ASPSCR1: variants seen among roughly 807,000 people sequenced by gnomAD.
The protein encoded by ASPSCR1 is tether containing UBX domain for GLUT4.
In ASPSCR1, 55 loss-of-function variants were observed where a neutral mutation model predicts 68.9. That is an observed-to-expected ratio of 0.80 (90% CI 0.64 to 1.00). The LOEUF (loss-of-function observed/expected upper bound fraction) is 1.00, where lower values mean the gene tolerates loss of function less well. Ranked by LOEUF, ASPSCR1 falls within the 50% of genes least tolerant of loss-of-function variation. The pLI is 0.00. For synonymous variants in ASPSCR1, 352 were observed against 332.6 expected (o/e 1.06, Z -0.63); for missense variants, 765 against 762.2 (o/e 1.00, Z -0.04).
intron 4 of ASPSCR1, among the ~76,000 whole-genome samples, chr17:81,993,403 C>G (rs949305455): frequency 6.6e-6 from 1 of 152,062 alleles, no homozygotes; most frequent in South Asian, 2.1e-4. Flanking sequence ...TTAGTAGAGA[C>G]GGGGTTTCAT....
At chr17:81,995,945 T>C (rs1598406825) in intron 5 of ASPSCR1, 47 bp from the exon 6 acceptor site, 1 of 1,583,740 alleles carries the variant, frequency 6.3e-7, no homozygotes, top group Non-Finnish European at 8.6e-7. Flanking sequence ...CCCTGGGCTC[T>C]GGGGTCCCGG....
Position 82,012,244 on chromosome 17 carries a change from A to G in ASPSCR1, c.1314A>G (p.Pro438=). 1 of 1,613,504 alleles carries G rather than the reference A, an allele frequency of 6.2e-7. No homozygotes were observed. Among genetic ancestry groups the G allele is most frequent in the Non-Finnish European group, 8.5e-7 (1 of 1,179,884 alleles). ...TTCTCTCCTCAGTCATCACCCCTCC[A>G]AAAACAGTCCTGGACGACCACACGC... ...ELSFYLFITP[P]KTVLDDHTQT... Residue 438 remains proline (P), a synonymous_variant, in exon 12 of 16, where the codon CCA becomes CCG. Transcript: ENST00000306739.
chr17:81,992,880 G>A (rs1215667227), intron 4 of ASPSCR1, among the ~76,000 whole-genome samples: 3 of 152,226 alleles, frequency 2.0e-5, no homozygotes, highest in Admixed American at 6.5e-5. Flanking sequence ...TGGTGCGCAC[G>A]TGCTCCACAG....
chr17:82,017,217 G>A lies in ASPSCR1; in HGVS notation c.1649-92G>A, dbSNP rs1396774350. ...GCTGGGGGGCTAGGTGCTGTGGCCG[G>A]CAGGGCCGAGTGCTTCAGCCGGGCT... On this transcript the variant is annotated intron_variant, in intron 15 of 15. Coordinates refer to ENST00000306739, the MANE Select transcript of ASPSCR1 (RefSeq NM_024083.4). 28 of 1,591,938 alleles carry A rather than the reference G, an allele frequency of 1.8e-5. No individual in the cohort carries two copies. In the East Asian group the frequency reaches 6.3e-4, roughly 36 times the overall value.
chr17:81,994,253 G>A (rs887244845), intron 4 of ASPSCR1, among the ~76,000 whole-genome samples: 2 of 152,248 alleles, frequency 1.3e-5, no homozygotes, highest in Non-Finnish European at 2.9e-5. Flanking sequence ...AGTCCGACAT[G>A]GACTTATAAG....
intron 13 of ASPSCR1, 96 bp from the exon 14 acceptor site, chr17:82,016,704 C>A: frequency 1.3e-6 from 2 of 1,483,602 alleles, no homozygotes; most frequent in South Asian, 1.2e-5. Flanking sequence ...TGCTGGCCAC[C>A]CCCCTCCCAG....
At chr17:81,998,152 A>G (rs1453928146) in intron 7 of ASPSCR1, among the ~76,000 whole-genome samples, 1 of 151,966 alleles carries the variant, frequency 6.6e-6, no homozygotes. Flanking sequence ...TTTATTTTTC[A>G]TAAAGACGAG....
At chr17:82,011,382 C>T (rs986818578) in intron 10 of ASPSCR1, among the ~76,000 whole-genome samples, 161 bp from the exon 11 acceptor site, 25 of 152,178 alleles carry the variant, frequency 1.6e-4, no homozygotes, top group Non-Finnish European at 3.4e-4. Flanking sequence ...GCACGGTGGC[C>T]CAGCCACGCC....
chr17:82,011,017 G>A (rs2042920001), intron 10 of ASPSCR1, 149 bp downstream of exon 10: 1 of 909,956 alleles, frequency 1.1e-6, no homozygotes, highest in Non-Finnish European at 1.6e-6. Context: ...TCCCCTTGGG[G>A]GTGCAGAGGC....
intron 1 of ASPSCR1, chr17:81,978,821 C>T (rs1040687458): frequency 3.0e-6 from 1 of 334,048 alleles, no homozygotes; most frequent in African/African-American, 2.1e-5. Flanking sequence ...AGAACCGTGC[C>T]AGAGCCAGGG....
chr17:81,986,269 G>A lies in ASPSCR1; in HGVS notation c.374+662G>A, dbSNP rs947401962. On this transcript the variant is annotated intron_variant, in intron 4 of 15. Coordinates refer to ENST00000306739, the MANE Select transcript of ASPSCR1 (RefSeq NM_024083.4). This position sits in a 1 kb window ranked among gnomAD's most constrained non-coding sequence, Gnocchi z 5.2. ...TGAAACCCCTTCTCTACAAAAAATA[G>A]AAATGTTAGGCCAGGCATAGTGCAT... Among the ~76,000 whole-genome samples, 2 of 152,032 alleles carry A rather than the reference G, an allele frequency of 1.3e-5. No homozygotes were observed. Among genetic ancestry groups the A allele is most frequent in the African/African-American group, 4.8e-5 (2 of 41,406 alleles).
At chr17:81,985,739 C>G in intron 4 of ASPSCR1, 132 bp downstream of exon 4, 2 of 851,062 alleles carry the variant, frequency 2.4e-6, no homozygotes, top group Non-Finnish European at 3.6e-6. Context: ...ACTTTGCAGT[C>G]CTTTGTAGAG....
intron 2 of ASPSCR1, among the ~76,000 whole-genome samples, chr17:81,981,677 C>A (rs145755880): frequency 6.6e-6 from 1 of 152,132 alleles, no homozygotes; most frequent in Non-Finnish European, 1.5e-5. Flanking sequence ...CTGTGCCTGG[C>A]CATTTTTCTG....
chr17:81,998,765 A>G (rs2042436268), intron 7 of ASPSCR1, among the ~76,000 whole-genome samples: 1 of 152,134 alleles, frequency 6.6e-6, no homozygotes. Context: ...CTCACAAGGG[A>G]GCTGGGCAGT....
chr17:82,002,155 C>T (rs1395996036), intron 7 of ASPSCR1, among the ~76,000 whole-genome samples: 1 of 150,388 alleles, frequency 6.6e-6, no homozygotes, highest in South Asian at 2.1e-4. Flanking sequence ...CACCTGGCCT[C>T]TTTTCATCTT....
intron 4 of ASPSCR1, among the ~76,000 whole-genome samples, chr17:81,988,231 T>G (rs1364340301): frequency 7.3e-6 from 1 of 137,140 alleles, no homozygotes; most frequent in African/African-American, 2.8e-5. Flanking sequence ...GAGGCCGAGG[T>G]GGGTGGATCA....
chr17:81,988,335 C>G (rs929150779), intron 4 of ASPSCR1, among the ~76,000 whole-genome samples: 4 of 151,706 alleles, frequency 2.6e-5, no homozygotes, highest in African/African-American at 9.7e-5. Flanking sequence ...ATGGCTCATG[C>G]TTGTAGTCCC....
intron 7 of ASPSCR1, among the ~76,000 whole-genome samples, chr17:81,997,070 C>T (rs1158714569): frequency 4.6e-5 from 3 of 64,804 alleles, no homozygotes; most frequent in Non-Finnish European, 9.4e-5. Context: ...TTTACTGAGA[C>T]GGTGGCTGTG....
chr17:82,011,733 C>A, intron 11 of ASPSCR1, 128 bp downstream of exon 11: 3 of 996,124 alleles, frequency 3.0e-6, no homozygotes, highest in Non-Finnish European at 4.5e-6. Flanking sequence ...GGCCTCCCGC[C>A]CAGGTGCCTC....
Sources: gnomAD v4.1 joint callset for allele counts (sites outside exome capture counted in the v4.1 genomes callset) on GRCh38, gnomAD v4.1.1 for gene constraint, Gnocchi (gnomAD v3.1) non-coding constraint, MANE v1.5 for transcripts, NCBI Gene and HGNC (gene_info 2026-07-23, HGNC 2026-07-21) for gene names.